The following GCH1 variants were observed in gnomAD, a reference collection of about 807,000 sequenced individuals.
The protein encoded by GCH1 is GTP cyclohydrolase 1.
GCH1 carries 5 observed loss-of-function variants against 25.9 expected under a neutral mutation model. The ratio of observed to expected loss-of-function variants is 0.19; its 90% CI spans 0.10 to 0.41. GCH1 has a LOEUF of 0.41. Among genes scored for constraint, GCH1 ranks in the 10% least tolerant of loss-of-function variants. GCH1 has a pLI of 1.00. For synonymous variants in GCH1, 159 were observed against 129.6 expected, an observed-to-expected ratio of 1.23 and a Z score of -1.54; for missense variants, 261 against 336.5, an observed-to-expected ratio of 0.78 and a Z score of 1.75.
chr14:54,887,154 C>A (rs2040363574), intron 1 of GCH1, among the ~76,000 whole-genome samples: 1 of 152,140 alleles, frequency 6.6e-6, no homozygotes, highest in African/African-American at 2.4e-5. Context: ...AAAGGAAAAT[C>A]CCATTAAATC....
chr14:54,887,740 T>A (rs967621915), intron 1 of GCH1, among the ~76,000 whole-genome samples: 1 of 152,212 alleles, frequency 6.6e-6, no homozygotes, highest in African/African-American at 2.4e-5. Flanking sequence ...TCTAAATACA[T>A]GTCTCTGATT....
intron 3 of GCH1, among the ~76,000 whole-genome samples, chr14:54,853,178 G>T (rs1431795308): frequency 1.3e-5 from 2 of 152,086 alleles, no homozygotes; most frequent in Non-Finnish European, 2.9e-5. Context: ...TGGTCAGGCT[G>T]GTCTCAAACT....
intron 1 of GCH1, among the ~76,000 whole-genome samples, chr14:54,896,454 T>A (rs2040483971): frequency 1.3e-5 from 2 of 150,718 alleles, no homozygotes; most frequent in Non-Finnish European, 1.5e-5. Flanking sequence ...TACTCTGTCT[T>A]CTCTTTAATT....
Position 54,888,679 on chromosome 14 carries a change from A to ATT in GCH1, c.343+13640_343+13641dup, listed in dbSNP as rs58982226. 2.3e-3 allele frequency among the ~76,000 whole-genome samples: 317 copies of ATT among 138,444 alleles called. 2 individuals carry two copies. Among genetic ancestry groups the ATT allele is most frequent in the South Asian group, 6.0e-3 (25 of 4,140 alleles). 90.8% of individuals were successfully genotyped at this position (138,444 alleles called of 152,430 possible). ...AGGCGCCCACAACCACGCCCGGCTA[A>ATT]TTTTTTTTTTTTTTTTTGTATTTTT... On this transcript the variant is annotated intron_variant, in intron 1 of 5. Transcript: ENST00000491895.
chr14:54,895,935 C>A (rs2040477760), intron 1 of GCH1, among the ~76,000 whole-genome samples: 1 of 152,188 alleles, frequency 6.6e-6, no homozygotes, highest in Non-Finnish European at 1.5e-5. Flanking sequence ...GGAAGGTACA[C>A]ACTGGAAAGT....
At chr14:54,845,996 TTGTC>T (rs2039637040) in intron 4 of GCH1, 144 bp from the exon 5 acceptor site, 2 of 679,866 alleles carry the variant, frequency 2.9e-6, no homozygotes, top group African/African-American at 3.6e-5. Flanking sequence ...CCAGACTGCT[TTGTC>T]TGCTGACTGG....
At chr14:54,851,729 G>A (rs1037352653) in intron 3 of GCH1, among the ~76,000 whole-genome samples, 1 of 152,148 alleles carries the variant, frequency 6.6e-6, no homozygotes, top group Non-Finnish European at 1.5e-5. Flanking sequence ...AACAACAGGT[G>A]CTGGAGAGGA....
chr14:54,859,632 GGCA>G (rs1336377873), intron 3 of GCH1, 46 bp downstream of exon 3: 1 of 985,874 alleles, frequency 1.0e-6, no homozygotes, highest in East Asian at 2.4e-5. Flanking sequence ...AGCAGATGAG[GGCA>G]GGTCCTATAA....
Position 54,865,544 on chromosome 14 carries a change from A to G in GCH1, c.344-108T>C, listed in dbSNP as rs113194020. 2.5e-3 allele frequency: 1,727 copies of G among 694,742 alleles called. 18 individuals carry two copies. The highest frequency in any genetic ancestry group is 0.024 in the African/African-American group (1,386 of 56,894). 43.0% of individuals were successfully genotyped at this position (694,742 alleles called of 1,614,324 possible). On this transcript the variant is annotated intron_variant, in intron 1 of 5. Transcript: ENST00000491895. The stretch of plus-strand genomic sequence containing the variant: ...ATAAACGAACGTTAATCCTCCCTAA[A>G]ATATTAAGGGAATACAAATTAAAAC...
At position 54,880,746 on chromosome 14, in the gene GCH1, TATATACTCC is replaced by T. The variant is rs1378895833; in HGVS notation, c.344-15319_344-15311del. 8.2e-3 allele frequency among the ~76,000 whole-genome samples: 565 copies of T among 68,930 alleles called. 158 individuals are homozygous for T. The highest frequency in any genetic ancestry group is 0.044 in the East Asian group (100 of 2,288). The allele number at this position is 68,930 out of a possible 152,430, so 45.2% of individuals were successfully genotyped here. On this transcript the variant is annotated intron_variant, in intron 1 of 5. Coordinates refer to ENST00000491895, the MANE Select transcript of GCH1 (RefSeq NM_000161.3). ...CATATATATATATATACTCCATATA[TATATACTCC>T]ATATATATATATATACTCCATATAT...
chr14:54,843,340 C>T lies in GCH1; in HGVS notation c.*677G>A, dbSNP rs10136966. The T allele has an allele frequency of 1.3e-3, 1,641 of 1,291,384 alleles. 17 individuals are homozygous for T. In the African/African-American group the frequency reaches 0.022, roughly 17 times the overall value. The allele number at this position is 1,291,384 out of a possible 1,614,324, so 80.0% of individuals were successfully genotyped here. A position where few individuals can be genotyped will look rare whatever the true frequency, so the allele number is the denominator to read the frequency against. On this transcript the variant is annotated 3_prime_UTR_variant, in exon 6 of 6. Coordinates refer to ENST00000491895, the MANE Select transcript of GCH1 (RefSeq NM_000161.3). ...ATGTCTAAATCCCTGTATGTTGACA[C>T]GAGAATACACTCGTAAACAACACCA... is the stretch of plus-strand genomic sequence containing the variant.
chr14:54,845,916 CT>C, intron 4 of GCH1, 64 bp from the exon 5 acceptor site: 1 of 886,080 alleles, frequency 1.1e-6, no homozygotes, highest in Non-Finnish European at 1.9e-6. Flanking sequence ...CTTTTTCTGT[CT>C]CTAGAACATT....
chr14:54,902,450 C>T lies in GCH1; in HGVS notation c.214G>A (p.Ala72Thr). ...EDNELNLPNLAAAYSSILSSL... is the reference protein window; with the variant it reads ...EDNELNLPNLTAAYSSILSSL... ...CTCAGGATGGACGAGTAGGCGGCTGCCAGGTTAGGGAGGTTCAGCTCGTTA... is the reference window on the plus strand; with the variant it reads ...CTCAGGATGGACGAGTAGGCGGCTGTCAGGTTAGGGAGGTTCAGCTCGTTA... The change falls in exon 1 of 6, where the codon GCA becomes ACA. Residue 72 changes from alanine to threonine, a missense_variant. Ala to Thr is a moderately conservative substitution (Grantham distance 58, BLOSUM62 0). Around this residue, in one of 3 missense-constraint regions of GCH1, gnomAD observed 125 missense variants for 128.7 expected, o/e 0.97. Transcript: ENST00000491895. 1.2e-6 allele frequency: 2 copies of T among 1,612,832 alleles called. No homozygotes were observed. Among genetic ancestry groups the T allele is most frequent in the Non-Finnish European group, 8.5e-7 (1 of 1,179,742 alleles).
chr14:54,865,344 C>A lies in GCH1; in HGVS notation c.436G>T (p.Val146Phe), dbSNP rs767979398. Residue 146 changes from valine to phenylalanine, a missense_variant, in exon 2 of 6, where the codon GTT becomes TTT. Physicochemically the swap from Val to Phe is conservative, Grantham distance 50. This residue lies in a region of GCH1 where 130 missense variants were observed against 184.1 expected (regional missense o/e 0.71). Transcript: ENST00000491895. The part of the protein sequence containing the change: ...DMFSMCEHHL[V>F]PFVGKVHIGY... ...AACCTTACCTTTCCAACAAATGGAA[C>A]CAAGTGATGCTCACACATGGAAAAC... 2.0e-6 allele frequency: 3 copies of A among 1,519,380 alleles called. No individual in the cohort carries two copies. The highest frequency in any genetic ancestry group is 2.7e-6 in the Non-Finnish European group (3 of 1,093,954). 94.1% of individuals were successfully genotyped at this position (1,519,380 alleles called of 1,614,324 possible). A position where few individuals can be genotyped will look rare whatever the true frequency, so the allele number is the denominator to read the frequency against.
rs1209956263 is a variant in GCH1 at position 54,863,499 on chromosome 14, C to CAA, written c.453+1826_453+1827dup. On this transcript the variant is annotated intron_variant, in intron 2 of 5. Coordinates refer to ENST00000491895, the MANE Select transcript of GCH1 (RefSeq NM_000161.3). ...TTGACAGCAGTATTGTTTGTAATAG[C>CAA]AAAAAAAAAAAAAAAAAAAAAAGAG... Among the ~76,000 whole-genome samples, 47 of 17,884 alleles carry CAA rather than the reference C, an allele frequency of 2.6e-3. 1 individual carries two copies. Among genetic ancestry groups the CAA allele is most frequent in the African/African-American group, 6.8e-3 (33 of 4,846 alleles). 11.7% of individuals were successfully genotyped at this position (17,884 alleles called of 152,430 possible). A position where few individuals can be genotyped will look rare whatever the true frequency, so the allele number is the denominator to read the frequency against.
At chr14:54,852,949 G>C (rs150238593) in intron 3 of GCH1, among the ~76,000 whole-genome samples, 52 of 152,084 alleles carry the variant, frequency 3.4e-4, no homozygotes, top group Admixed American at 1.8e-3. Context: ...TACCTCTATG[G>C]GGATGTTTTA....
At chr14:54,854,779 A>G (rs1324402833) in intron 3 of GCH1, among the ~76,000 whole-genome samples, 2 of 152,246 alleles carry the variant, frequency 1.3e-5, no homozygotes, top group Non-Finnish European at 2.9e-5. Context: ...AATGCAAATT[A>G]AAATAGATAC....
chr14:54,845,365 C>A (rs1026136747), intron 5 of GCH1, among the ~76,000 whole-genome samples: 5 of 151,298 alleles, frequency 3.3e-5, no homozygotes, highest in Non-Finnish European at 5.9e-5. Context: ...GTGGTCCCAG[C>A]TACTCGGGAG....
Position 54,902,340 on chromosome 14 carries a change from G to T in GCH1, c.324C>A (p.Gly108=), listed in dbSNP as rs772386583. The part of the protein sequence containing the change: ...AASAMQFFTK[G]YQETISDVLN... Reference sequence around the variant, plus strand: ...ACTGACCTGAGATGGTCTCCTGGTAGCCCTTGGTGAAGAACTGCATGGCCG... The same window carrying T: ...ACTGACCTGAGATGGTCTCCTGGTATCCCTTGGTGAAGAACTGCATGGCCG... The change falls in exon 1 of 6, where the codon GGC becomes GGA. Residue 108 remains glycine (G), a synonymous_variant. Transcript: ENST00000491895. 6 of 1,612,764 alleles carry T rather than the reference G, an allele frequency of 3.7e-6. No individual in the cohort carries two copies. Among genetic ancestry groups the T allele is most frequent in the Non-Finnish European group, 4.2e-6 (5 of 1,179,782 alleles).
Sources: allele counts gnomAD v4.1 joint callset (sites outside exome capture counted in the v4.1 genomes callset), GRCh38; gene constraint gnomAD v4.1.1; regional missense constraint gnomAD v4.1.1; transcripts MANE v1.5; gene names NCBI Gene and HGNC (gene_info 2026-07-23, HGNC 2026-07-21).